PPP1R16B: variants seen among roughly 807,000 people sequenced by gnomAD.
The protein encoded by PPP1R16B is protein phosphatase 1 regulatory inhibitor subunit 16B.
Under a neutral mutation model 61.7 loss-of-function variants are expected in PPP1R16B, and 14 were observed. That is an observed-to-expected ratio of 0.23 (90% CI 0.15 to 0.35). PPP1R16B has a LOEUF of 0.35. Among genes scored for constraint, PPP1R16B ranks in the 10% least tolerant of loss-of-function variants. The pLI, the probability that PPP1R16B is intolerant of heterozygous loss-of-function variation, is 1.00. For missense variants in PPP1R16B, 547 were observed against 752.5 expected, an observed-to-expected ratio of 0.73 and a Z score of 3.19; for synonymous variants, 266 against 305.3, an observed-to-expected ratio of 0.87 and a Z score of 1.34.
intron 3 of PPP1R16B, among the ~76,000 whole-genome samples, chr20:38,890,032 C>T (rs1172350964): frequency 6.6e-6 from 1 of 152,184 alleles, no homozygotes; most frequent in African/African-American, 2.4e-5. Flanking sequence ...AGGCAGTTGG[C>T]GGGACTTATG....
At chr20:38,881,533 C>G (rs208800) in intron 2 of PPP1R16B, among the ~76,000 whole-genome samples, 109,896 of 152,070 alleles carry the variant, frequency 0.72, 39,903 homozygotes, top group South Asian at 0.84. Flanking sequence ...GTGGCGACAT[C>G]AGGCAGGCCA....
In PPP1R16B at chr20:38,872,540, T is replaced by G. The variant is rs185622997; in HGVS notation, c.251-17055T>G. On this transcript the variant is annotated intron_variant, in intron 2 of 10. Coordinates refer to ENST00000299824, the MANE Select transcript of PPP1R16B (RefSeq NM_015568.4). ...TGGCAGGGTTTGTTAAAGCGTAGAT[T>G]GTTAGACACCCCCCTCCTGCAGGGT... Among the ~76,000 whole-genome samples the G allele has an allele frequency of 1.2e-3, 180 of 152,246 alleles. 3 individuals carry two copies. The South Asian group carries it at 0.027, about 23-fold the overall frequency.
intron 1 of PPP1R16B, among the ~76,000 whole-genome samples, chr20:38,813,601 C>T (rs192042914): frequency 6.6e-6 from 1 of 152,198 alleles, no homozygotes; most frequent in East Asian, 1.9e-4. Flanking sequence ...CCTGTGGATC[C>T]ACTTGCCAAG....
In PPP1R16B at chr20:38,806,633, C is replaced by T. The variant is rs1422162571; in HGVS notation, c.-102+841C>T. Among the ~76,000 whole-genome samples the T allele has an allele frequency of 6.6e-6, 1 of 152,172 alleles. No individual in the cohort carries two copies. The highest frequency in any genetic ancestry group is 1.5e-5 in the Non-Finnish European group (1 of 68,012). ...ACCCGGAGTGCCCAGGCTGAGCTGC[C>T]CAGACCGCCCCGGGTGGAGAGCCGG... is the stretch of plus-strand genomic sequence containing the variant. On this transcript the variant is annotated intron_variant, in intron 1 of 10. Coordinates refer to ENST00000299824, the MANE Select transcript of PPP1R16B (RefSeq NM_015568.4). This position sits in a 1 kb window ranked among gnomAD's most constrained non-coding sequence, Gnocchi z 4.5.
Position 38,907,197 on chromosome 20 carries a change from A to G in PPP1R16B, c.898+143A>G, listed in dbSNP as rs2085450708. The G allele has an allele frequency of 7.4e-6, 5 of 676,702 alleles. No individual in the cohort carries two copies. Among genetic ancestry groups the G allele is most frequent in the Non-Finnish European group, 1.0e-5 (4 of 385,592 alleles). The allele number at this position is 676,702 out of a possible 1,614,324, so 41.9% of individuals were successfully genotyped here. A position where few individuals can be genotyped will look rare whatever the true frequency, so the allele number is the denominator to read the frequency against. On this transcript the variant is annotated intron_variant, in intron 8 of 10. Transcript: ENST00000299824. The surrounding 1 kb of genome is among the most constrained non-coding windows in gnomAD (Gnocchi z 4.5). ...ATAGATGGATTAATTAATGGATGGT[A>G]GATGAATGGACGGATGGACAGATTA...
chr20:38,888,651 C>T (rs2085265005), intron 2 of PPP1R16B, among the ~76,000 whole-genome samples: 1 of 152,044 alleles, frequency 6.6e-6, no homozygotes, highest in South Asian at 2.1e-4. Context: ...GAGCTGGGGT[C>T]CCAGTTGCCA....
intron 6 of PPP1R16B, 123 bp downstream of exon 6, chr20:38,902,915 T>G: frequency 1.4e-6 from 2 of 1,462,728 alleles, no homozygotes; most frequent in Admixed American, 4.1e-5. Context: ...CAAGAATCCT[T>G]TTGGGCCAGG....
chr20:38,820,828 C>T (rs182196360), intron 1 of PPP1R16B, among the ~76,000 whole-genome samples: 31 of 151,742 alleles, frequency 2.0e-4, no homozygotes, highest in African/African-American at 6.0e-4. Flanking sequence ...GTCAGGAGAT[C>T]GAGACCATCC....
In PPP1R16B at chr20:38,833,047, C is replaced by T. The variant is rs1270200418; in HGVS notation, c.-101-2778C>T. On this transcript the variant is annotated intron_variant, in intron 1 of 10. Coordinates refer to ENST00000299824, the MANE Select transcript of PPP1R16B (RefSeq NM_015568.4). ...GAATGGAACAGCCTTAAACTGGAAA[C>T]GATGCAGATGTTCCTCAATAGGTAA... Among the ~76,000 whole-genome samples, 4 of 151,870 alleles carry T rather than the reference C, an allele frequency of 2.6e-5. No homozygotes were observed. The South Asian group carries it at 6.2e-4, about 24-fold the overall frequency.
At chr20:38,910,275 C>T (rs1392498681) in intron 10 of PPP1R16B, among the ~76,000 whole-genome samples, 2 of 152,204 alleles carry the variant, frequency 1.3e-5, no homozygotes, top group African/African-American at 4.8e-5. Context: ...GCCACCATGC[C>T]TGGCCAAGTA....
chr20:38,848,535 C>T (rs1879339573), intron 2 of PPP1R16B, among the ~76,000 whole-genome samples: 1 of 152,094 alleles, frequency 6.6e-6, no homozygotes, highest in African/African-American at 2.4e-5. Context: ...ACAAGTTTTT[C>T]CTCAGATTAC....
chr20:38,900,334 G>A (rs1568681309), intron 4 of PPP1R16B, among the ~76,000 whole-genome samples: 1 of 152,146 alleles, frequency 6.6e-6, no homozygotes, highest in Non-Finnish European at 1.5e-5. Context: ...GGCTTAGGGA[G>A]GTCTTCTGGG....
chr20:38,909,050 G>A (rs2085468815), intron 10 of PPP1R16B, among the ~76,000 whole-genome samples: 1 of 152,094 alleles, frequency 6.6e-6, no homozygotes. Context: ...CACTCAGGCT[G>A]GAGTGCAGTG....
At chr20:38,917,030 C>T (rs906051930) in intron 10 of PPP1R16B, among the ~76,000 whole-genome samples, 8 of 152,086 alleles carry the variant, frequency 5.3e-5, no homozygotes, top group African/African-American at 1.9e-4. Flanking sequence ...GGTGCGGTGG[C>T]TCATGCCTGC....
At chr20:38,847,568 G>A (rs2084942995) in intron 2 of PPP1R16B, among the ~76,000 whole-genome samples, 1 of 152,184 alleles carries the variant, frequency 6.6e-6, no homozygotes, top group Non-Finnish European at 1.5e-5. Flanking sequence ...TGTTGGCCAG[G>A]CTGGTCTCAA....
At chr20:38,868,542 G>A (rs915082116) in intron 2 of PPP1R16B, among the ~76,000 whole-genome samples, 3 of 152,012 alleles carry the variant, frequency 2.0e-5, no homozygotes, top group African/African-American at 7.2e-5. Context: ...ATGCCACCTC[G>A]CCTGGCTAGT....
At chr20:38,916,447 TTA>T (rs537097474) in intron 10 of PPP1R16B, among the ~76,000 whole-genome samples, 1 of 149,616 alleles carries the variant, frequency 6.7e-6, no homozygotes. Flanking sequence ...ATAAACTAGA[TTA>T]TATATATATA....
intron 6 of PPP1R16B, among the ~76,000 whole-genome samples, chr20:38,903,979 C>T (rs546596101): frequency 2.0e-5 from 3 of 152,178 alleles, no homozygotes; most frequent in African/African-American, 2.4e-5. Context: ...CTCGGGATCT[C>T]GAGCTCACTA....
intron 1 of PPP1R16B, among the ~76,000 whole-genome samples, chr20:38,831,124 G>C (rs753469984): frequency 2.0e-5 from 3 of 152,216 alleles, no homozygotes; most frequent in Non-Finnish European, 4.4e-5. Flanking sequence ...CACCTTTGTC[G>C]AATTGCTTGT....
Sources: gnomAD v4.1 joint callset for allele counts (sites outside exome capture counted in the v4.1 genomes callset) on GRCh38, gnomAD v4.1.1 for gene constraint, Gnocchi (gnomAD v3.1) non-coding constraint, MANE v1.5 for transcripts, NCBI Gene and HGNC (gene_info 2026-07-23, HGNC 2026-07-21) for gene names.